ITGB6: variants seen among roughly 807,000 people sequenced by gnomAD.
ITGB6 encodes the protein integrin subunit beta 6.
A neutral mutation model predicts 84.5 loss-of-function variants in ITGB6; 80 were observed. That is an observed-to-expected ratio of 0.95 (90% CI 0.79 to 1.14). The LOEUF (loss-of-function observed/expected upper bound fraction) is 1.14, where lower values mean the gene tolerates loss of function less well. ITGB6 is among the 50% of genes most tolerant of loss of function. ITGB6 has a pLI of 0.00. For missense variants in ITGB6, 1,006 were observed against 968.0 expected (o/e 1.04, Z -0.52); for synonymous variants, 383 against 354.9 (o/e 1.08, Z -0.89).
At chr2:160,198,177 C>G (rs547578036) in intron 2 of ITGB6, among the ~76,000 whole-genome samples, 1 of 152,262 alleles carries the variant, frequency 6.6e-6, no homozygotes, top group African/African-American at 2.4e-5. Context: ...TATTCTCAAT[C>G]CTGCTTTGAT....
chr2:160,184,035 C>T (rs1685795555), intron 4 of ITGB6, among the ~76,000 whole-genome samples: 1 of 152,180 alleles, frequency 6.6e-6, no homozygotes, highest in Non-Finnish European at 1.5e-5. Context: ...TGGGAAAGAT[C>T]TAACATCGAC....
intron 7 of ITGB6, among the ~76,000 whole-genome samples, chr2:160,151,468 C>G (rs567484691): frequency 1.3e-5 from 2 of 152,272 alleles, no homozygotes; most frequent in African/African-American, 4.8e-5. Flanking sequence ...AAATTTATAG[C>G]ACTAAAAGCC....
chr2:160,113,680 T>C (rs1191432300), intron 12 of ITGB6, among the ~76,000 whole-genome samples: 1 of 152,252 alleles, frequency 6.6e-6, no homozygotes, highest in African/African-American at 2.4e-5. Flanking sequence ...GAGAAGTTGG[T>C]TGTGTGCAGA....
At chr2:160,192,173 A>G (rs1233398685) in intron 4 of ITGB6, among the ~76,000 whole-genome samples, 2 of 152,088 alleles carry the variant, frequency 1.3e-5, no homozygotes, top group Non-Finnish European at 2.9e-5. Context: ...GATAAACAAA[A>G]TGAAAGAACA....
At chr2:160,122,606 G>A (rs1683087615) in intron 12 of ITGB6, among the ~76,000 whole-genome samples, 1 of 152,086 alleles carries the variant, frequency 6.6e-6, no homozygotes, top group South Asian at 2.1e-4. Context: ...CATGTATCTC[G>A]CCTTTGGTAG....
At chr2:160,154,321 A>T (rs747132029) in intron 7 of ITGB6, among the ~76,000 whole-genome samples, 6 of 152,122 alleles carry the variant, frequency 3.9e-5, no homozygotes, top group Non-Finnish European at 5.9e-5. Flanking sequence ...TTCTCAGCAA[A>T]CTATCACAAG....
rs748688893 is a variant in ITGB6, at chr2:160,142,028, T to A, written c.1061A>T (p.Gln354Leu). The change falls in exon 8 of 15, where the codon CAG (glutamine) becomes CTG (leucine). Residue 354 changes from glutamine to leucine, a missense_variant. Transcript: ENST00000283249. ...LIPGATVGLLQKDSGNILQLI... is the reference protein window; with the variant it reads ...LIPGATVGLLLKDSGNILQLI... ...CTGGAGAATGTTTCCGGAGTCCTTCTGAAGTAGACCTACTGTAGCTCCAGG... is the reference window on the plus strand; with the variant it reads ...CTGGAGAATGTTTCCGGAGTCCTTCAGAAGTAGACCTACTGTAGCTCCAGG... 1.2e-6 allele frequency: 2 copies of A among 1,610,274 alleles called. No homozygotes were observed. Among genetic ancestry groups the A allele is most frequent in the Non-Finnish European group, 8.5e-7 (1 of 1,177,734 alleles).
chr2:160,180,425 C>G (rs10184041), intron 4 of ITGB6, among the ~76,000 whole-genome samples: 31,522 of 152,082 alleles, frequency 0.21, 7,233 homozygotes, highest in African/African-American at 0.55. Flanking sequence ...GCCACTGCAC[C>G]TGGAAAAAGG....
intron 12 of ITGB6, among the ~76,000 whole-genome samples, chr2:160,113,683 T>A (rs1452357915): frequency 1.3e-5 from 2 of 152,262 alleles, no homozygotes; most frequent in Non-Finnish European, 2.9e-5. Flanking sequence ...AAGTTGGTTG[T>A]GTGCAGAGGA....
At chr2:160,152,274 A>G (rs771593774) in intron 7 of ITGB6, among the ~76,000 whole-genome samples, 61 of 152,260 alleles carry the variant, frequency 4.0e-4, no homozygotes, top group Non-Finnish European at 1.3e-4. Context: ...TTCATCCCTG[A>G]GATGCAAGGC....
chr2:160,163,391 G>A (rs1388932941), intron 7 of ITGB6, among the ~76,000 whole-genome samples: 1 of 152,108 alleles, frequency 6.6e-6, no homozygotes, highest in Non-Finnish European at 1.5e-5. Flanking sequence ...CAGCATTTTG[G>A]GAAGTCGAGG....
Position 160,101,949 on chromosome 2 carries a change from A to T in ITGB6, c.2269-115T>A, listed in dbSNP as rs4078235. On this transcript the variant is annotated intron_variant, in intron 14 of 14. Coordinates refer to ENST00000283249, the MANE Select transcript of ITGB6 (RefSeq NM_000888.5). ...AAGCTCAGTCTTGGAAACCATTAGA[A>T]CAATTTTGATTAATTTGGCATTTCA... 0.16 allele frequency: 100,424 copies of T among 638,084 alleles called. 8,978 individuals are homozygous for T. Among genetic ancestry groups the T allele is most frequent in the Admixed American group, 0.34 (11,368 of 33,062 alleles). The allele number at this position is 638,084 out of a possible 1,614,324, so 39.5% of individuals were successfully genotyped here. A position where few individuals can be genotyped will look rare whatever the true frequency, so the allele number is the denominator to read the frequency against.
intron 12 of ITGB6, among the ~76,000 whole-genome samples, chr2:160,117,070 C>CT (rs1682810136): frequency 6.6e-6 from 1 of 150,766 alleles, no homozygotes; most frequent in African/African-American, 2.4e-5. Flanking sequence ...TAATGGGAGA[C>CT]TTTAACACCC....
At chr2:160,195,304 C>T in intron 4 of ITGB6, 65 bp downstream of exon 4, 1 of 1,598,572 alleles carries the variant, frequency 6.3e-7, no homozygotes, top group Middle Eastern at 1.7e-4. Flanking sequence ...GCAAGTGCAG[C>T]TCAGAGCGGG....
chr2:160,119,298 G>T (rs1682926331), intron 12 of ITGB6, among the ~76,000 whole-genome samples: 1 of 152,150 alleles, frequency 6.6e-6, no homozygotes, highest in African/African-American at 2.4e-5. Flanking sequence ...AAACAGCATG[G>T]TACTGGTACC....
rs548030719 is a variant in ITGB6, at chr2:160,153,790, C to G, written c.1018-11719G>C. Reference sequence around the variant, plus strand: ...GGACAAAGGATATGAACAGACACTTCTCAAAAGAAGACATTTATGCAGCCA... The same window carrying G: ...GGACAAAGGATATGAACAGACACTTGTCAAAAGAAGACATTTATGCAGCCA... On this transcript the variant is annotated intron_variant, in intron 7 of 14. Transcript: ENST00000283249. Among the ~76,000 whole-genome samples, 354 of 152,234 alleles carry G rather than the reference C, an allele frequency of 2.3e-3. 1 individual carries two copies. The highest frequency in any genetic ancestry group is 7.8e-3 in the African/African-American group (326 of 41,536).
chr2:160,148,530 T>A (rs1217477207), intron 7 of ITGB6, among the ~76,000 whole-genome samples: 1 of 152,206 alleles, frequency 6.6e-6, no homozygotes, highest in Non-Finnish European at 1.5e-5. Flanking sequence ...CCCAGCATGA[T>A]CGACGCAGAA....
intron 12 of ITGB6, among the ~76,000 whole-genome samples, chr2:160,122,728 A>G (rs1038863661): frequency 3.9e-5 from 6 of 152,230 alleles, no homozygotes; most frequent in African/African-American, 1.2e-4. Flanking sequence ...ATGACCCTCC[A>G]TATAGGGTAA....
intron 6 of ITGB6, among the ~76,000 whole-genome samples, chr2:160,169,529 A>T (rs372764782): frequency 1.3e-5 from 2 of 152,194 alleles, no homozygotes. Flanking sequence ...CCTAAGAGTC[A>T]GTTCCTGTTG....
Sources: allele counts gnomAD v4.1 joint callset (sites outside exome capture counted in the v4.1 genomes callset), GRCh38; gene constraint gnomAD v4.1.1; transcripts MANE v1.5; gene names NCBI Gene and HGNC (gene_info 2026-07-23, HGNC 2026-07-21).